The following POMP variants were observed in gnomAD, a reference collection of about 807,000 sequenced individuals.
POMP encodes 2510048O06Rik.
A neutral mutation model predicts 20.6 loss-of-function variants in POMP; 12 were observed. The observed-to-expected ratio is 0.58, with a 90% confidence interval of 0.37 to 0.94. The LOEUF (loss-of-function observed/expected upper bound fraction) is 0.94. Ranked by LOEUF, POMP falls within the 40% of genes least tolerant of loss-of-function variation. The pLI, the probability that POMP is intolerant of heterozygous loss-of-function variation, is 0.01. For synonymous variants in POMP, 53 were observed against 55.0 expected, an observed-to-expected ratio of 0.96 and a Z score of 0.16; for missense variants, 136 against 161.1, an observed-to-expected ratio of 0.84 and a Z score of 0.84.
intron 3 of POMP, among the ~76,000 whole-genome samples, chr13:28,667,592 C>T (rs1884471213): frequency 6.6e-6 from 1 of 152,070 alleles, no homozygotes; most frequent in Non-Finnish European, 1.5e-5. Flanking sequence ...TAGTCATATC[C>T]CAAGTAGGTG....
intron 3 of POMP, among the ~76,000 whole-genome samples, chr13:28,666,978 G>A (rs557155130): frequency 2.0e-5 from 3 of 152,180 alleles, no homozygotes; most frequent in Non-Finnish European, 4.4e-5. Flanking sequence ...ACAGTACACA[G>A]GACAGCCTGC....
At chr13:28,673,540 T>A (rs1164271807) in intron 5 of POMP, among the ~76,000 whole-genome samples, 1 of 152,168 alleles carries the variant, frequency 6.6e-6, no homozygotes, top group Non-Finnish European at 1.5e-5. Context: ...AACAAAAATA[T>A]CCAACAGGAT....
intron 4 of POMP, among the ~76,000 whole-genome samples, chr13:28,669,224 AT>A (rs1230808618): frequency 1.3e-5 from 2 of 151,994 alleles, no homozygotes; most frequent in Non-Finnish European, 2.9e-5. Flanking sequence ...TTTCCCTGCT[AT>A]TTATTTAACC....
chr13:28,664,315 C>G (rs993414247), intron 2 of POMP, among the ~76,000 whole-genome samples, 194 bp from the exon 3 acceptor site: 14 of 151,016 alleles, frequency 9.3e-5, no homozygotes, highest in Admixed American at 4.6e-4. Context: ...TTTTTTTTTC[C>G]TTTTGGTGTG....
chr13:28,672,815 T>C (rs184440345), intron 5 of POMP, among the ~76,000 whole-genome samples: 12 of 152,364 alleles, frequency 7.9e-5, no homozygotes, highest in Non-Finnish European at 1.6e-4. Context: ...TAATGGTGGT[T>C]ATTCACTTCA....
At chr13:28,677,543 G>A (rs554890477) in intron 5 of POMP, among the ~76,000 whole-genome samples, 56 of 152,286 alleles carry the variant, frequency 3.7e-4, no homozygotes, top group Admixed American at 9.1e-4. Flanking sequence ...AAACACAAAA[G>A]TGATGATTTT....
intron 4 of POMP, among the ~76,000 whole-genome samples, chr13:28,669,979 G>T (rs1593174189): frequency 6.6e-6 from 1 of 152,192 alleles, no homozygotes; most frequent in East Asian, 1.9e-4. Flanking sequence ...CCGTGGTGGT[G>T]CACACCTATA....
At chr13:28,670,236 A>T (rs1334461374) in intron 4 of POMP, among the ~76,000 whole-genome samples, 1 of 152,228 alleles carries the variant, frequency 6.6e-6, no homozygotes, top group Non-Finnish European at 1.5e-5. Flanking sequence ...GGACAAGTAC[A>T]GAATAACTCA....
At position 28,659,183 on chromosome 13, in the gene POMP, A is replaced by G; in HGVS notation, c.-2A>G. Reference sequence around the variant, plus strand: ...GAGAGGCTGTTCGCAGAGCTGCGGAAGATGGTGAGTGGGTACCCGGGCGGC... The same window carrying G: ...GAGAGGCTGTTCGCAGAGCTGCGGAGGATGGTGAGTGGGTACCCGGGCGGC... On this transcript the variant is annotated 5_prime_UTR_variant, in exon 1 of 6. Transcript: ENST00000380842. The G allele has an allele frequency of 2.5e-6, 4 of 1,589,986 alleles. No homozygotes were observed. The highest frequency in any genetic ancestry group is 1.7e-6 in the Non-Finnish European group (2 of 1,169,212).
At chr13:28,660,640 G>A (rs1043689557) in intron 1 of POMP, among the ~76,000 whole-genome samples, 3 of 152,198 alleles carry the variant, frequency 2.0e-5, no homozygotes, top group Non-Finnish European at 2.9e-5. Flanking sequence ...AGGCCAGAGA[G>A]GTTGGTGCTT....
intron 2 of POMP, among the ~76,000 whole-genome samples, 159 bp from the exon 3 acceptor site, chr13:28,664,350 G>GTATCA (rs1398963527): frequency 1.3e-5 from 2 of 150,026 alleles, no homozygotes; most frequent in African/African-American, 2.5e-5. Flanking sequence ...TTTAGCACAT[G>GTATCA]TATCAATTCC....
At chr13:28,664,115 T>G (rs1300973505) in intron 2 of POMP, among the ~76,000 whole-genome samples, 1 of 151,788 alleles carries the variant, frequency 6.6e-6, no homozygotes, top group African/African-American at 2.4e-5. Flanking sequence ...ATATTGAAAG[T>G]GTTAGACCTG....
intron 3 of POMP, among the ~76,000 whole-genome samples, chr13:28,667,008 GC>G (rs1884460200): frequency 6.6e-6 from 1 of 152,150 alleles, no homozygotes; most frequent in Non-Finnish European, 1.5e-5. Flanking sequence ...GAATTATCTG[GC>G]CCAAGAAATC....
At chr13:28,673,506 G>A (rs1884585482) in intron 5 of POMP, among the ~76,000 whole-genome samples, 1 of 152,158 alleles carries the variant, frequency 6.6e-6, no homozygotes, top group Admixed American at 6.5e-5. Flanking sequence ...GCCTCTGCTC[G>A]TTATGCCCCA....
intron 4 of POMP, among the ~76,000 whole-genome samples, chr13:28,671,350 A>ATT (rs1486986086): frequency 3.3e-5 from 5 of 151,918 alleles, no homozygotes; most frequent in South Asian, 4.2e-4. Context: ...TTCCCTTTTT[A>ATT]TTTTCCTCTT....
chr13:28,670,661 T>C (rs1200971734), intron 4 of POMP, among the ~76,000 whole-genome samples: 1 of 152,240 alleles, frequency 6.6e-6, no homozygotes, highest in Non-Finnish European at 1.5e-5. Context: ...AGTTTCCTAA[T>C]TCATTAAGTT....
intron 5 of POMP, 34 bp from the exon 6 acceptor site, chr13:28,678,001 G>T: frequency 6.3e-7 from 1 of 1,595,768 alleles, no homozygotes; most frequent in Non-Finnish European, 8.6e-7. Context: ...TTTTTTGAGA[G>T]TCTTTTAAAA....
At chr13:28,664,304 C>CT (rs551465306) in intron 2 of POMP, among the ~76,000 whole-genome samples, 2 of 150,908 alleles carry the variant, frequency 1.3e-5, no homozygotes, top group African/African-American at 2.4e-5. Flanking sequence ...TTATATATAC[C>CT]TTTTTTTTTC....
chr13:28,674,885 T>A (rs35702686), intron 5 of POMP, among the ~76,000 whole-genome samples: 6,744 of 151,790 alleles, frequency 0.044, 501 homozygotes, highest in African/African-American at 0.15. Context: ...TTTTTTTTTT[T>A]TAAATTAATT....
Sources: gnomAD v4.1 joint callset for allele counts (sites outside exome capture counted in the v4.1 genomes callset) on GRCh38, gnomAD v4.1.1 for gene constraint, MANE v1.5 for transcripts, NCBI Gene and HGNC (gene_info 2026-07-23, HGNC 2026-07-21) for gene names.